The following RGS6 variants were observed in gnomAD, a reference collection of about 807,000 sequenced individuals.
RGS6 encodes the protein regulator of G protein signaling 6.
A neutral mutation model predicts 78.5 loss-of-function variants in RGS6; 30 were observed. The ratio of observed to expected loss-of-function variants is 0.38; its 90% CI spans 0.29 to 0.52. RGS6 has a LOEUF of 0.52. RGS6 is among the 20% of genes least tolerant of loss of function. The pLI, the probability that RGS6 is intolerant of heterozygous loss-of-function variation, is 0.85. For missense variants in RGS6, 495 were observed against 609.7 expected (o/e 0.81, Z 1.98); for synonymous variants, 206 against 206.0 (o/e 1.00, Z 0.00).
At chr14:72,444,672 T>C (rs979083016) in intron 3 of RGS6, among the ~76,000 whole-genome samples, 2 of 152,250 alleles carry the variant, frequency 1.3e-5, no homozygotes, top group African/African-American at 4.8e-5. Context: ...CAGCTACAGC[T>C]AAGTCCTTCG....
chr14:72,317,694 G>A (rs1382691608), intron 2 of RGS6, among the ~76,000 whole-genome samples: 3 of 152,102 alleles, frequency 2.0e-5, no homozygotes, highest in Non-Finnish European at 4.4e-5. Context: ...TATAAGCTTT[G>A]ATGTAGTAAA....
intron 2 of RGS6, among the ~76,000 whole-genome samples, chr14:72,126,472 A>G (rs1279053244): frequency 1.3e-5 from 2 of 152,256 alleles, no homozygotes; most frequent in African/African-American, 4.8e-5. Flanking sequence ...GATGTCTTAC[A>G]CTTTCTAGAG....
At chr14:71,997,826 A>C (rs1238756580) in intron 2 of RGS6, among the ~76,000 whole-genome samples, 1 of 152,196 alleles carries the variant, frequency 6.6e-6, no homozygotes, top group Non-Finnish European at 1.5e-5. Context: ...AGATCTTTAT[A>C]ATTTGGCTCT....
intron 2 of RGS6, among the ~76,000 whole-genome samples, chr14:72,090,038 T>A (rs1256804941): frequency 6.6e-6 from 1 of 150,380 alleles, no homozygotes; most frequent in Non-Finnish European, 1.5e-5. Flanking sequence ...TCATAAGAAT[T>A]CTTTAAAAGC....
Position 72,135,622 on chromosome 14 carries a change from T to A in RGS6, c.84+170747T>A, listed in dbSNP as rs535936996. On this transcript the variant is annotated intron_variant, in intron 2 of 17. Coordinates refer to ENST00000553525, the MANE Select transcript of RGS6 (RefSeq NM_001204424.2). ...ATTCTGAGTAGCCTAATATTCTTTT[T>A]TTTTTCCTGCTAAACTTCTTTTTCC... is the stretch of plus-strand genomic sequence containing the variant. Among the ~76,000 whole-genome samples, 41 of 152,288 alleles carry A rather than the reference T, an allele frequency of 2.7e-4. No individual in the cohort carries two copies. The East Asian group carries it at 7.5e-3, about 28-fold the overall frequency.
chr14:72,283,557 TG>T (rs1444386998), intron 2 of RGS6, among the ~76,000 whole-genome samples: 1 of 152,210 alleles, frequency 6.6e-6, no homozygotes, highest in Non-Finnish European at 1.5e-5. Context: ...CTCTCTTGTC[TG>T]CCACCATGTA....
chr14:72,443,547 AC>A (rs896563198), intron 3 of RGS6, among the ~76,000 whole-genome samples: 5 of 152,152 alleles, frequency 3.3e-5, no homozygotes, highest in African/African-American at 1.2e-4. Flanking sequence ...CTGAAAGATG[AC>A]CCCTTGCCTC....
At chr14:72,474,562 T>C in intron 9 of RGS6, 63 bp from the exon 10 acceptor site, 16 of 1,438,308 alleles carry the variant, frequency 1.1e-5, no homozygotes, top group East Asian at 4.6e-5. Flanking sequence ...TGGTGTGACA[T>C]GGGCTAAATT....
At chr14:72,454,221 GC>G (rs1347358129) in intron 3 of RGS6, among the ~76,000 whole-genome samples, 2 of 152,168 alleles carry the variant, frequency 1.3e-5, no homozygotes, top group African/African-American at 2.4e-5. Context: ...TGGTCTGGGG[GC>G]CAGGCATGAT....
intron 2 of RGS6, among the ~76,000 whole-genome samples, chr14:71,970,692 A>C (rs1348685133): frequency 2.0e-5 from 3 of 152,158 alleles, no homozygotes; most frequent in Non-Finnish European, 2.9e-5. Flanking sequence ...ATTGAGTGTC[A>C]TTTGTGTGCC....
intron 2 of RGS6, among the ~76,000 whole-genome samples, chr14:72,321,996 G>T (rs2072209122): frequency 6.6e-6 from 1 of 151,906 alleles, no homozygotes; most frequent in African/African-American, 2.4e-5. Flanking sequence ...GAATCCATGT[G>T]AATGTATAGA....
chr14:72,585,002 C>A, the RGS6 span, among the ~76,000 whole-genome samples: 3 of 152,018 alleles, frequency 2.0e-5, no homozygotes, highest in Non-Finnish European at 4.4e-5. Context: ...CAGTCAGGAG[C>A]TAGATGCAAA....
intron 2 of RGS6, among the ~76,000 whole-genome samples, chr14:72,106,993 A>G (rs182192634): frequency 3.9e-5 from 6 of 152,232 alleles, no homozygotes; most frequent in African/African-American, 1.4e-4. Flanking sequence ...TTTTGATGTT[A>G]ACAGCCATAG....
intron 2 of RGS6, among the ~76,000 whole-genome samples, chr14:72,008,745 C>T (rs1227521193): frequency 6.6e-6 from 1 of 152,076 alleles, no homozygotes; most frequent in Non-Finnish European, 1.5e-5. Context: ...GCCATGTGAC[C>T]CTCTAGTTCC....
At chr14:72,624,908 C>A in the RGS6 span, among the ~76,000 whole-genome samples, 1 of 152,128 alleles carries the variant, frequency 6.6e-6, no homozygotes, top group Non-Finnish European at 1.5e-5. Flanking sequence ...CGCATCATAT[C>A]GGGGGAAATT....
At chr14:72,552,164 A>G (rs2097517454) in intron 17 of RGS6, among the ~76,000 whole-genome samples, 1 of 152,264 alleles carries the variant, frequency 6.6e-6, no homozygotes, top group African/African-American at 2.4e-5. Flanking sequence ...CACAAGGTGC[A>G]TGTATTACAG....
chr14:72,050,878 A>G (rs1052748245), intron 2 of RGS6, among the ~76,000 whole-genome samples: 7 of 152,176 alleles, frequency 4.6e-5, no homozygotes, highest in African/African-American at 1.7e-4. Flanking sequence ...GGTATATGCA[A>G]CAGGTCCTGG....
At chr14:72,519,128 G>A (rs2096994578) in intron 15 of RGS6, among the ~76,000 whole-genome samples, 1 of 152,182 alleles carries the variant, frequency 6.6e-6, no homozygotes, top group Non-Finnish European at 1.5e-5. Flanking sequence ...GCCCCAAATG[G>A]GTGAACCCTA....
At chr14:72,098,765 T>C (rs1544488) in intron 2 of RGS6, among the ~76,000 whole-genome samples, 109,223 of 152,116 alleles carry the variant, frequency 0.72, 40,797 homozygotes, top group Non-Finnish European at 0.82. Context: ...TTCCCTCATT[T>C]CCTGTAAAAT....
Sources: allele counts gnomAD v4.1 joint callset (sites outside exome capture counted in the v4.1 genomes callset), GRCh38; gene constraint gnomAD v4.1.1; transcripts MANE v1.5; gene names NCBI Gene and HGNC (gene_info 2026-07-23, HGNC 2026-07-21).